Variants in GALNT11 observed in about 807,000 individuals in gnomAD.
The protein encoded by GALNT11 is UDP-GalNAc:polypeptide N-acetylgalactosaminyltransferase 11.
A neutral mutation model predicts 72.7 loss-of-function variants in GALNT11; 47 were observed. The observed-to-expected ratio is 0.65, with a 90% CI of 0.51 to 0.82. The LOEUF is 0.82. Ranked by LOEUF, GALNT11 falls within the 40% of genes least tolerant of loss-of-function variation. GALNT11 has a pLI of 0.00. For missense variants in GALNT11, 677 were observed against 778.4 expected (o/e 0.87, Z 1.55); for synonymous variants, 270 against 286.6 (o/e 0.94, Z 0.58).
intron 1 of GALNT11, among the ~76,000 whole-genome samples, chr7:152,074,032 C>G (rs114168909): frequency 0.01 from 1,545 of 152,072 alleles, 29 homozygotes; most frequent in African/African-American, 0.036. Flanking sequence ...CTGGTTTATT[C>G]TGGGTATTAA....
At position 152,117,281 on chromosome 7, in the gene GALNT11, C is replaced by T; in HGVS notation, c.1358C>T (p.Pro453Leu). The T allele has an allele frequency of 1.2e-6, 2 of 1,614,090 alleles. No homozygotes were observed. The highest frequency in any genetic ancestry group is 1.7e-6 in the Non-Finnish European group (2 of 1,180,020). ...SFKWYLDNVYPEMQISGSHAK... is the reference protein window; with the variant it reads ...SFKWYLDNVYLEMQISGSHAK... ...AAATGGTATTTGGATAATGTATACCCAGAGATGCAGATATCTGGGTCCCAC... is the reference window on the plus strand; with the variant it reads ...AAATGGTATTTGGATAATGTATACCTAGAGATGCAGATATCTGGGTCCCAC... The change falls in exon 9 of 12, where the codon CCA becomes CTA. Residue 453 changes from proline (P) to leucine (L), a missense_variant. By Grantham distance (98) the Pro-to-Leu change is moderately conservative. Coordinates refer to ENST00000430044, the MANE Select transcript of GALNT11 (RefSeq NM_022087.4).
intron 3 of GALNT11, among the ~76,000 whole-genome samples, chr7:152,101,652 G>GA (rs984107445): frequency 5.5e-5 from 8 of 144,560 alleles, no homozygotes; most frequent in African/African-American, 2.0e-4. Context: ...TGGGGGGGGG[G>GA]GGATGGAGTC....
rs1212859723 is a variant in GALNT11, at chr7:152,118,743, C to T, written c.1518C>T (p.Leu506=). 6.2e-6 allele frequency: 10 copies of T among 1,611,552 alleles called. No individual in the cohort carries two copies. The highest frequency in any genetic ancestry group is 7.6e-6 in the Non-Finnish European group (9 of 1,179,224). Residue 506 remains leucine, a synonymous_variant, in exon 10 of 12, where the codon CTC becomes CTT. Transcript: ENST00000430044. ...AQGRPSQKGG[L]VVLKACDYSD... Reference sequence around the variant, plus strand: ...GCCGCCCAAGTCAGAAGGGAGGTCTCGTGGTGCTTAAGGCCTGTGACTACA... The same window carrying T: ...GCCGCCCAAGTCAGAAGGGAGGTCTTGTGGTGCTTAAGGCCTGTGACTACA...
At chr7:152,080,467 G>A (rs999679354) in intron 1 of GALNT11, among the ~76,000 whole-genome samples, 2 of 152,162 alleles carry the variant, frequency 1.3e-5, no homozygotes, top group Non-Finnish European at 2.9e-5. Flanking sequence ...TAGCCATGAT[G>A]CCACTAACCT....
In GALNT11 at chr7:152,094,018, T is replaced by C. The variant is rs1210802569; in HGVS notation, c.-38-172T>C. ...TAACCCACAGGCCTGAGGTTTTCAT[T>C]GTTGAACCCTTTTTAAAAACTCAGT... On this transcript the variant is annotated intron_variant, in intron 1 of 11. Transcript: ENST00000430044. The surrounding 1 kb of genome is among the most constrained non-coding windows in gnomAD (Gnocchi z 4.3). 4.0e-6 allele frequency: 2 copies of C among 497,172 alleles called. No individual in the cohort carries two copies. The highest frequency in any genetic ancestry group is 6.8e-6 in the Non-Finnish European group (2 of 295,958). 30.8% of individuals were successfully genotyped at this position (497,172 alleles called of 1,614,324 possible).
At chr7:152,048,170 G>A (rs187556613) in intron 1 of GALNT11, among the ~76,000 whole-genome samples, 49 of 151,960 alleles carry the variant, frequency 3.2e-4, no homozygotes, top group East Asian at 1.9e-4. Flanking sequence ...ATATTTTTGC[G>A]GGATATAGTA....
In GALNT11 at chr7:152,065,108, G is replaced by A. The variant is rs147673979; in HGVS notation, c.-38-29082G>A. 2.2e-4 allele frequency among the ~76,000 whole-genome samples: 33 copies of A among 152,208 alleles called. No homozygotes were observed. In the East Asian group the frequency reaches 6.4e-3, roughly 29 times the overall value. ...GGCACACCAATCAGACGTAGATTTG[G>A]TCTTTTCACATAGTCTCATATTTCT... On this transcript the variant is annotated intron_variant, in intron 1 of 11. Transcript: ENST00000430044.
At chr7:152,112,089 G>T (rs201877768) in intron 7 of GALNT11, among the ~76,000 whole-genome samples, 2 of 77,376 alleles carry the variant, frequency 2.6e-5, no homozygotes, top group East Asian at 1.5e-3. Flanking sequence ...AAGAGGGCGA[G>T]GGGAGAGCTG....
chr7:152,039,406 T>A (rs147520978), intron 1 of GALNT11, among the ~76,000 whole-genome samples: 1 of 152,288 alleles, frequency 6.6e-6, no homozygotes, highest in Non-Finnish European at 1.5e-5. Flanking sequence ...CATCCAGGCA[T>A]TGTTGCCAGC....
intron 6 of GALNT11, among the ~76,000 whole-genome samples, chr7:152,108,757 G>T (rs1171754159): frequency 6.6e-6 from 1 of 152,096 alleles, no homozygotes. Flanking sequence ...ATTATTTTAC[G>T]TTCTTATCTG....
intron 1 of GALNT11, among the ~76,000 whole-genome samples, chr7:152,072,169 AT>A (rs1477793138): frequency 2.6e-5 from 4 of 151,128 alleles, no homozygotes; most frequent in African/African-American, 7.3e-5. Context: ...AAAACACAAA[AT>A]TAGCTGGGCA....
chr7:152,061,083 C>G (rs1227182975), intron 1 of GALNT11, among the ~76,000 whole-genome samples: 3 of 152,160 alleles, frequency 2.0e-5, no homozygotes, highest in Non-Finnish European at 2.9e-5. Context: ...AGTTTACAGT[C>G]CCACCAACAG....
At chr7:152,085,690 G>C (rs1303760901) in intron 1 of GALNT11, among the ~76,000 whole-genome samples, 2 of 151,928 alleles carry the variant, frequency 1.3e-5, no homozygotes, top group Non-Finnish European at 2.9e-5. Context: ...TGATTTCTTT[G>C]CATTTCCTTC....
intron 1 of GALNT11, among the ~76,000 whole-genome samples, chr7:152,069,157 C>T (rs2084484269): frequency 1.3e-5 from 2 of 152,192 alleles, no homozygotes; most frequent in South Asian, 4.1e-4. Flanking sequence ...TACTTTAGTT[C>T]AATATATTGT....
intron 8 of GALNT11, among the ~76,000 whole-genome samples, chr7:152,114,606 G>C (rs1215019208): frequency 6.6e-6 from 1 of 151,636 alleles, no homozygotes; most frequent in Admixed American, 6.6e-5. Context: ...TGTTGCCCAG[G>C]CTGAAGTGCA....
intron 8 of GALNT11, among the ~76,000 whole-genome samples, chr7:152,115,397 T>G (rs1316085253): frequency 6.6e-6 from 1 of 152,190 alleles, no homozygotes; most frequent in Non-Finnish European, 1.5e-5. Flanking sequence ...CGAATATCAT[T>G]GATATAATAA....
intron 6 of GALNT11, among the ~76,000 whole-genome samples, chr7:152,110,102 G>A (rs559952497): frequency 4.1e-4 from 62 of 152,170 alleles, no homozygotes; most frequent in African/African-American, 1.4e-3. Context: ...TGTCTGTTGG[G>A]GACACAGTCA....
intron 1 of GALNT11, among the ~76,000 whole-genome samples, chr7:152,047,686 C>CTGTGTG (rs1563045721): frequency 6.9e-5 from 10 of 144,588 alleles, no homozygotes; most frequent in African/African-American, 2.6e-4. Flanking sequence ...AACAGTGACA[C>CTGTGTG]CGTGTGTGTG....
At chr7:152,032,788 G>A (rs186910533) in intron 1 of GALNT11, among the ~76,000 whole-genome samples, 1 of 152,274 alleles carries the variant, frequency 6.6e-6, no homozygotes, top group East Asian at 1.9e-4. Context: ...CCATATTCAT[G>A]TAGATAATAG....
Sources: allele counts gnomAD v4.1 joint callset (sites outside exome capture counted in the v4.1 genomes callset), GRCh38; gene constraint gnomAD v4.1.1; non-coding constraint Gnocchi (gnomAD v3.1); transcripts MANE v1.5; gene names NCBI Gene and HGNC (gene_info 2026-07-23, HGNC 2026-07-21).